The following CTNNA3 variants were observed in gnomAD, a reference collection of about 807,000 sequenced individuals.
CTNNA3 encodes catenin alpha-3.
A neutral mutation model predicts 95.7 loss-of-function variants in CTNNA3; 76 were observed. The observed-to-expected ratio is 0.79, with a 90% confidence interval of 0.66 to 0.96. The LOEUF (loss-of-function observed/expected upper bound fraction) is 0.96. Among genes scored for constraint, CTNNA3 ranks in the 40% least tolerant of loss-of-function variants. The pLI, the probability that CTNNA3 is intolerant of heterozygous loss-of-function variation, is 0.00. For synonymous variants in CTNNA3, 431 were observed against 374.4 expected (o/e 1.15, Z -1.74); for missense variants, 1,191 against 1,089.8 (o/e 1.09, Z -1.31).
chr10:67,218,321 T>G (rs1179529253), intron 6 of CTNNA3, among the ~76,000 whole-genome samples: 1 of 152,154 alleles, frequency 6.6e-6, no homozygotes, highest in East Asian at 1.9e-4. Flanking sequence ...TAATACATAT[T>G]CAGTGTGTAT....
chr10:67,177,164 G>A lies in CTNNA3; in HGVS notation c.1047+3153C>T, dbSNP rs184808857. On this transcript the variant is annotated intron_variant, in intron 7 of 17. Coordinates refer to ENST00000433211, the MANE Select transcript of CTNNA3 (RefSeq NM_013266.4). ...TGTTAAGTGGTTGTCTGTTTTGTCCGTTATAGACCCATCTCATCTCATTTC... is the reference window on the plus strand; with the variant it reads ...TGTTAAGTGGTTGTCTGTTTTGTCCATTATAGACCCATCTCATCTCATTTC... Among the ~76,000 whole-genome samples the A allele has an allele frequency of 9.7e-4, 147 of 152,240 alleles. 2 individuals carry two copies. Among genetic ancestry groups the A allele is most frequent in the Admixed American group, 2.6e-3 (39 of 15,288 alleles).
chr10:67,220,617 G>A (rs1864609940), intron 5 of CTNNA3, among the ~76,000 whole-genome samples: 1 of 152,132 alleles, frequency 6.6e-6, no homozygotes, highest in East Asian at 1.9e-4. Context: ...GAAAGGAAAA[G>A]CTGCTTTAGG....
At chr10:66,468,581 G>A (rs114126078) in intron 11 of CTNNA3, among the ~76,000 whole-genome samples, 9,389 of 151,854 alleles carry the variant, frequency 0.062, 603 homozygotes, top group African/African-American at 0.16. Flanking sequence ...ATATTGTATT[G>A]TATCTTTCAA....
At chr10:67,390,960 G>T (rs896293860) in intron 5 of CTNNA3, among the ~76,000 whole-genome samples, 2 of 152,106 alleles carry the variant, frequency 1.3e-5, no homozygotes, top group African/African-American at 4.8e-5. Context: ...TACTGAATGG[G>T]CAAAAACCAG....
chr10:67,737,932 G>T (rs370500560), intron 1 of CTNNA3, among the ~76,000 whole-genome samples: 5 of 152,196 alleles, frequency 3.3e-5, no homozygotes, highest in African/African-American at 1.2e-4. Context: ...TATAAATCAT[G>T]CTGCTACAAA....
At chr10:66,251,082 G>A (rs7095435) in intron 13 of CTNNA3, among the ~76,000 whole-genome samples, 11,009 of 152,104 alleles carry the variant, frequency 0.072, 741 homozygotes, top group African/African-American at 0.18. Flanking sequence ...AGAACCACAT[G>A]GAACTAAACA....
At chr10:67,070,135 T>A (rs1177184671) in intron 7 of CTNNA3, among the ~76,000 whole-genome samples, 1 of 152,234 alleles carries the variant, frequency 6.6e-6, no homozygotes, top group Admixed American at 6.5e-5. Context: ...TTTGCATTAG[T>A]ATAATGATTG....
chr10:67,454,715 C>T (rs1047491479), intron 5 of CTNNA3, among the ~76,000 whole-genome samples: 1 of 151,866 alleles, frequency 6.6e-6, no homozygotes, highest in Admixed American at 6.6e-5. Flanking sequence ...GAACCTCTAC[C>T]AATGGAATCA....
At chr10:66,394,841 C>T (rs972265439) in intron 11 of CTNNA3, among the ~76,000 whole-genome samples, 2 of 151,918 alleles carry the variant, frequency 1.3e-5, no homozygotes, top group African/African-American at 4.8e-5. Flanking sequence ...AAAAGCAAAT[C>T]CCAGTACTGT....
chr10:66,360,707 TCCTCCTTCCTTTCTTC>T lies in CTNNA3; in HGVS notation c.1732+18429_1732+18444del, dbSNP rs1455512854. On this transcript the variant is annotated intron_variant, in intron 12 of 17. Transcript: ENST00000433211. The stretch of plus-strand genomic sequence containing the variant: ...CCTTCCTTCCTTTTCTTTCTTTCTT[TCCTCCTTCCTTTCTTC>T]CTTTCTTTCTTTCTTTCTTTCTTCC... 2.4e-3 allele frequency among the ~76,000 whole-genome samples: 240 copies of T among 99,214 alleles called. 6 individuals carry two copies. The highest frequency in any genetic ancestry group is 3.3e-3 in the Non-Finnish European group (153 of 46,144). The allele number at this position is 99,214 out of a possible 152,430, so 65.1% of individuals were successfully genotyped here. A position where few individuals can be genotyped will look rare whatever the true frequency, so the allele number is the denominator to read the frequency against.
At position 65,925,842 on chromosome 10, in the gene CTNNA3, G is replaced by T. The variant is rs76232868; in HGVS notation, c.2401-5225C>A. 4.1e-4 allele frequency among the ~76,000 whole-genome samples: 63 copies of T among 151,978 alleles called. 1 individual carries two copies. Among genetic ancestry groups the T allele is most frequent in the Admixed American group, 8.5e-4 (13 of 15,248 alleles). On this transcript the variant is annotated intron_variant, in intron 17 of 17. Coordinates refer to ENST00000433211, the MANE Select transcript of CTNNA3 (RefSeq NM_013266.4). ...TAAAACATAGCCAGACTTATTAAAA[G>T]GTTATCTATTATCCCTAAAACTATT...
intron 9 of CTNNA3, among the ~76,000 whole-genome samples, chr10:66,715,995 AT>A (rs1410311619): frequency 6.6e-6 from 1 of 152,124 alleles, no homozygotes; most frequent in Non-Finnish European, 1.5e-5. Flanking sequence ...GGAATATCAC[AT>A]TTTAATTTCA....
At chr10:67,739,640 G>A (rs1225526920) in intron 1 of CTNNA3, among the ~76,000 whole-genome samples, 5 of 151,562 alleles carry the variant, frequency 3.3e-5, no homozygotes, top group Non-Finnish European at 5.9e-5. Flanking sequence ...ACAAACCACT[G>A]CTCAAGGAAA....
intron 5 of CTNNA3, among the ~76,000 whole-genome samples, chr10:67,361,959 T>C (rs947796700): frequency 2.0e-5 from 3 of 151,824 alleles, no homozygotes; most frequent in African/African-American, 7.3e-5. Flanking sequence ...TTCATAGAAA[T>C]ACAAAAGATC....
chr10:67,727,831 A>ATATATTATATTATG (rs1841248382), intron 1 of CTNNA3, among the ~76,000 whole-genome samples: 4 of 114,974 alleles, frequency 3.5e-5, no homozygotes, highest in African/African-American at 7.7e-5. Context: ...ATTATATTAC[A>ATATATTATATTATG]TATAATATAG....
intron 9 of CTNNA3, among the ~76,000 whole-genome samples, chr10:66,686,299 T>C (rs1847294459): frequency 9.8e-6 from 1 of 101,684 alleles, no homozygotes; most frequent in Non-Finnish European, 2.0e-5. Flanking sequence ...ACCCCATCTC[T>C]ACAAAAAATA....
chr10:67,382,050 A>C (rs1843968601), intron 5 of CTNNA3, among the ~76,000 whole-genome samples: 1 of 152,184 alleles, frequency 6.6e-6, no homozygotes, highest in African/African-American at 2.4e-5. Context: ...TTTCCACAGA[A>C]GCTGTTTGAC....
chr10:67,358,401 T>C lies in CTNNA3; in HGVS notation c.580-138531A>G, dbSNP rs138740453. Among the ~76,000 whole-genome samples, 65 of 152,094 alleles carry C rather than the reference T, an allele frequency of 4.3e-4. No homozygotes were observed. The East Asian group carries it at 9.1e-3, about 21-fold the overall frequency. On this transcript the variant is annotated intron_variant, in intron 5 of 17. Transcript: ENST00000433211. The stretch of plus-strand genomic sequence containing the variant: ...GTCTCACCAAGGAAAAAACAAAATA[T>C]GGGGTAAACCATCACACTTTGCACA...
At chr10:66,525,652 A>C (rs895346638) in intron 10 of CTNNA3, among the ~76,000 whole-genome samples, 8 of 152,160 alleles carry the variant, frequency 5.3e-5, no homozygotes, top group Non-Finnish European at 1.2e-4. Flanking sequence ...CATGTGAAAG[A>C]GAGAGAGAAA....
Sources: allele counts gnomAD v4.1 joint callset (sites outside exome capture counted in the v4.1 genomes callset), GRCh38; gene constraint gnomAD v4.1.1; transcripts MANE v1.5; gene names NCBI Gene and HGNC (gene_info 2026-07-23, HGNC 2026-07-21).